ARID3B: variants seen among roughly 807,000 people sequenced by gnomAD.
The protein encoded by ARID3B is AT-rich interactive domain-containing protein 3B.
In ARID3B, 10 loss-of-function variants were observed where a neutral mutation model predicts 51.9. The observed-to-expected ratio is 0.19, with a 90% confidence interval of 0.12 to 0.33. The LOEUF (loss-of-function observed/expected upper bound fraction) is 0.33. Ranked by LOEUF, ARID3B falls within the 10% of genes least tolerant of loss-of-function variation. The pLI is 1.00. For synonymous variants in ARID3B, 205 were observed against 279.5 expected, an observed-to-expected ratio of 0.73 and a Z score of 2.66; for missense variants, 483 against 716.3, an observed-to-expected ratio of 0.67 and a Z score of 3.72.
chr15:74,551,170 C>T (rs924451957), intron 2 of ARID3B, among the ~76,000 whole-genome samples: 5 of 152,208 alleles, frequency 3.3e-5, no homozygotes, highest in Admixed American at 6.5e-5. Context: ...TTCAAATCCA[C>T]GTTGAAGGGT....
chr15:74,579,067 G>A (rs956847340), intron 4 of ARID3B, among the ~76,000 whole-genome samples: 1 of 152,246 alleles, frequency 6.6e-6, no homozygotes, highest in Non-Finnish European at 1.5e-5. Context: ...ACAGCTCTGA[G>A]GGATGCAGCA....
Position 74,597,771 on chromosome 15 carries a change from C to T in ARID3B, c.*1997C>T. ...TCTTTCCGGTCATTGGATCCTCTCC[C>T]TTTCCCCAGGCAGCTCGCCTGGCCA... On this transcript the variant is annotated 3_prime_UTR_variant, in exon 9 of 9. Coordinates refer to ENST00000346246, the MANE Select transcript of ARID3B (RefSeq NM_006465.4). The T allele has an allele frequency of 2.2e-6, 1 of 458,116 alleles. No homozygotes were observed. Among genetic ancestry groups the T allele is most frequent in the Admixed American group, 3.0e-5 (1 of 33,276 alleles). The allele number at this position is 458,116 out of a possible 1,614,324, so 28.4% of individuals were successfully genotyped here. A position where few individuals can be genotyped will look rare whatever the true frequency, so the allele number is the denominator to read the frequency against.
chr15:74,586,807 G>A (rs960973879), intron 4 of ARID3B, among the ~76,000 whole-genome samples: 2 of 152,200 alleles, frequency 1.3e-5, no homozygotes, highest in African/African-American at 4.8e-5. Flanking sequence ...CTGGGATATC[G>A]GATGGACAGA....
rs1246081513 is a variant in ARID3B, at chr15:74,544,072, C to G, written c.136C>G (p.Leu46Val). The G allele has an allele frequency of 6.2e-7, 1 of 1,613,860 alleles. No individual in the cohort carries two copies. The highest frequency in any genetic ancestry group is 8.5e-7 in the Non-Finnish European group (1 of 1,179,902). The change falls in exon 2 of 9, where the codon CTG (leucine) becomes GTG (valine). Residue 46 changes from leucine to valine, a missense_variant. Leu to Val is a conservative substitution (Grantham distance 32, BLOSUM62 1). Transcript: ENST00000346246. ...REAQFLYAQK[L>V]VTQPTLLSAT... ...AGCCCAGTTCTTGTATGCCCAAAAG[C>G]TGGTCACACAGCCGACTCTCCTTTC...
chr15:74,556,087 C>T (rs963087716), intron 2 of ARID3B, among the ~76,000 whole-genome samples: 3 of 152,094 alleles, frequency 2.0e-5, no homozygotes, highest in South Asian at 2.1e-4. Context: ...CCACCGAGCC[C>T]GGCTATCTGG....
rs1596267012 is a variant in ARID3B at position 74,595,905 on chromosome 15, T to C, written c.*131T>C. 3.0e-6 allele frequency: 3 copies of C among 986,266 alleles called. No homozygotes were observed. The highest frequency in any genetic ancestry group is 4.4e-6 in the Non-Finnish European group (3 of 687,288). The allele number at this position is 986,266 out of a possible 1,614,324, so 61.1% of individuals were successfully genotyped here. ...TGGCCAGACATTGAGAGTTTGGACG[T>C]GTCCGTCTGTCCAGGCTCCATTCAG... On this transcript the variant is annotated 3_prime_UTR_variant, in exon 9 of 9. Transcript: ENST00000346246.
rs529922708 is a variant in ARID3B at position 74,581,798 on chromosome 15, C to G, written c.698-8022C>G. 3.3e-5 allele frequency among the ~76,000 whole-genome samples: 5 copies of G among 152,330 alleles called. No homozygotes were observed. In the South Asian group the frequency reaches 1.0e-3, roughly 32 times the overall value. On this transcript the variant is annotated intron_variant, in intron 4 of 8. Coordinates refer to ENST00000346246, the MANE Select transcript of ARID3B (RefSeq NM_006465.4). ...CCTTCAAAATCTTTTATTGGTATTTCTAACACATGGGAAAATTGAGTTATT... is the reference window on the plus strand; with the variant it reads ...CCTTCAAAATCTTTTATTGGTATTTGTAACACATGGGAAAATTGAGTTATT...
chr15:74,591,391 T>C lies in ARID3B; in HGVS notation c.1122T>C (p.Asn374=). The change falls in exon 6 of 9, where the codon AAT becomes AAC. Residue 374 remains asparagine (N), a synonymous_variant. Coordinates refer to ENST00000346246, the MANE Select transcript of ARID3B (RefSeq NM_006465.4). This position sits in a 1 kb window ranked among gnomAD's most constrained non-coding sequence, Gnocchi z 5.8. ...ILGLGSSSGT[N]TSSPRISPAT... is the part of the protein sequence containing the mutation. ...GGCTTGGCTCCAGCAGTGGTACCAATACCAGTAGCCCTCGGATATCCCCAG... is the reference window on the plus strand; with the variant it reads ...GGCTTGGCTCCAGCAGTGGTACCAACACCAGTAGCCCTCGGATATCCCCAG... The C allele has an allele frequency of 6.2e-7, 1 of 1,612,076 alleles. No homozygotes were observed. The highest frequency in any genetic ancestry group is 8.5e-7 in the Non-Finnish European group (1 of 1,178,278).
chr15:74,568,081 A>G (rs1169627122), intron 2 of ARID3B, among the ~76,000 whole-genome samples: 1 of 152,100 alleles, frequency 6.6e-6, no homozygotes, highest in African/African-American at 2.4e-5. Context: ...TTCTACTGGA[A>G]TGGTCTATTT....
intron 7 of ARID3B, among the ~76,000 whole-genome samples, chr15:74,592,536 CCAGGG>C (rs1253886838): frequency 1.3e-5 from 2 of 152,200 alleles, no homozygotes; most frequent in African/African-American, 4.8e-5. Context: ...AACAGCTCAT[CCAGGG>C]CCAGGTACCC....
At position 74,575,611 on chromosome 15, in the gene ARID3B, G is replaced by A. The variant is rs2061734787; in HGVS notation, c.697+2407G>A. Reference sequence around the variant, plus strand: ...TTGCTGCATATCCTGCTGTTCTGTGGCAACTGGGACTGCCAGATTGCCATC... The same window carrying A: ...TTGCTGCATATCCTGCTGTTCTGTGACAACTGGGACTGCCAGATTGCCATC... On this transcript the variant is annotated intron_variant, in intron 4 of 8. Coordinates refer to ENST00000346246, the MANE Select transcript of ARID3B (RefSeq NM_006465.4). 2.0e-5 allele frequency among the ~76,000 whole-genome samples: 3 copies of A among 152,168 alleles called. 1 individual carries two copies. The South Asian group carries it at 6.2e-4, about 32-fold the overall frequency.
intron 2 of ARID3B, among the ~76,000 whole-genome samples, chr15:74,558,414 T>C (rs2061667436): frequency 6.6e-6 from 1 of 152,184 alleles, no homozygotes; most frequent in Admixed American, 6.5e-5. Context: ...GTAATTATTG[T>C]GTTTGTTTAT....
intron 2 of ARID3B, among the ~76,000 whole-genome samples, chr15:74,562,213 C>T (rs2061681810): frequency 1.3e-5 from 2 of 152,078 alleles, no homozygotes; most frequent in Non-Finnish European, 2.9e-5. Flanking sequence ...ACGATCTTGG[C>T]TCACTGCAAC....
Position 74,579,828 on chromosome 15 carries a change from C to CGTGTGTGTGTGT in ARID3B, c.697+6658_697+6669dup, listed in dbSNP as rs374538596. On this transcript the variant is annotated intron_variant, in intron 4 of 8. Transcript: ENST00000346246. ...ATGCCCCTTTGGGCTCACCTGTTGC[C>CGTGTGTGTGTGT]GTGTGTGTGTGTGTGTGTGTGTGTG... is the stretch of plus-strand genomic sequence containing the variant. Among the ~76,000 whole-genome samples, 473 of 137,830 alleles carry CGTGTGTGTGTGT rather than the reference C, an allele frequency of 3.4e-3. 2 individuals are homozygous for CGTGTGTGTGTGT. The highest frequency in any genetic ancestry group is 4.9e-3 in the South Asian group (21 of 4,246). 90.4% of individuals were successfully genotyped at this position (137,830 alleles called of 152,430 possible). A position where few individuals can be genotyped will look rare whatever the true frequency, so the allele number is the denominator to read the frequency against.
At chr15:74,587,969 C>T (rs1258859498) in intron 4 of ARID3B, among the ~76,000 whole-genome samples, 1 of 152,162 alleles carries the variant, frequency 6.6e-6, no homozygotes, top group Non-Finnish European at 1.5e-5. Flanking sequence ...AAGCCAGGTG[C>T]TGTGGCTCAC....
intron 2 of ARID3B, among the ~76,000 whole-genome samples, chr15:74,567,016 T>G (rs1410379120): frequency 6.7e-6 from 1 of 149,666 alleles, no homozygotes; most frequent in Non-Finnish European, 1.5e-5. Context: ...GTTTCTGTTA[T>G]TTTTTTTTTC....
intron 2 of ARID3B, among the ~76,000 whole-genome samples, chr15:74,556,216 G>A (rs1303086859): frequency 6.6e-6 from 1 of 152,112 alleles, no homozygotes; most frequent in East Asian, 1.9e-4. Flanking sequence ...TTACTAATTG[G>A]CCTAATTTCA....
intron 2 of ARID3B, among the ~76,000 whole-genome samples, chr15:74,555,253 G>A (rs1184854873): frequency 6.6e-6 from 1 of 152,080 alleles, no homozygotes; most frequent in Non-Finnish European, 1.5e-5. Flanking sequence ...ACTGATCTAG[G>A]TGCTGGGTAC....
rs918444004 is a variant in ARID3B at position 74,591,003 on chromosome 15, A to G, written c.882-148A>G. 4.7e-5 allele frequency: 59 copies of G among 1,262,372 alleles called. No individual in the cohort carries two copies. In the African/African-American group the frequency reaches 6.3e-4, roughly 13 times the overall value. The allele number at this position is 1,262,372 out of a possible 1,614,324, so 78.2% of individuals were successfully genotyped here. A position where few individuals can be genotyped will look rare whatever the true frequency, so the allele number is the denominator to read the frequency against. Reference sequence around the variant, plus strand: ...CTGGGGCAGAGTGTCCGGCCATCCCAGACTTTTCTGCCAAGTATACCAAGG... The same window carrying G: ...CTGGGGCAGAGTGTCCGGCCATCCCGGACTTTTCTGCCAAGTATACCAAGG... On this transcript the variant is annotated intron_variant, in intron 5 of 8. Coordinates refer to ENST00000346246, the MANE Select transcript of ARID3B (RefSeq NM_006465.4). This position sits in a 1 kb window ranked among gnomAD's most constrained non-coding sequence, Gnocchi z 5.8.
Sources: allele counts gnomAD v4.1 joint callset (sites outside exome capture counted in the v4.1 genomes callset), GRCh38; gene constraint gnomAD v4.1.1; non-coding constraint Gnocchi (gnomAD v3.1); transcripts MANE v1.5; gene names NCBI Gene and HGNC (gene_info 2026-07-23, HGNC 2026-07-21).